CCDC178: variants seen among roughly 807,000 people sequenced by gnomAD.
CCDC178 encodes the protein coiled-coil domain-containing protein 178.
Under a neutral mutation model 117.4 loss-of-function variants are expected in CCDC178, and 126 were observed. The observed-to-expected ratio is 1.07, with a 90% confidence interval of 0.93 to 1.24. CCDC178 has a LOEUF of 1.24. Ranked by LOEUF, CCDC178 falls within the 50% of genes most tolerant of loss-of-function variation. The pLI is 0.00. For missense variants in CCDC178, 1,030 were observed against 986.9 expected, an observed-to-expected ratio of 1.04 and a Z score of -0.59; for synonymous variants, 283 against 313.4, an observed-to-expected ratio of 0.90 and a Z score of 1.02.
At chr18:33,338,118 A>G (rs2062766321) in intron 9 of CCDC178, among the ~76,000 whole-genome samples, 1 of 152,220 alleles carries the variant, frequency 6.6e-6, no homozygotes, top group Non-Finnish European at 1.5e-5. Flanking sequence ...TCTCAAAAGA[A>G]GATATGCAAA....
intron 11 of CCDC178, among the ~76,000 whole-genome samples, chr18:33,317,039 G>C: frequency 6.6e-6 from 1 of 152,236 alleles, no homozygotes; most frequent in Admixed American, 6.5e-5. Context: ...CTAATCAGCA[G>C]GATGTGGATG....
intron 4 of CCDC178, among the ~76,000 whole-genome samples, chr18:33,392,402 G>A (rs2063575814): frequency 6.6e-6 from 1 of 152,110 alleles, no homozygotes; most frequent in Admixed American, 6.6e-5. Context: ...TTGAACTTTA[G>A]TTTTACTCTA....
intron 20 of CCDC178, among the ~76,000 whole-genome samples, chr18:33,129,479 G>A (rs892078851): frequency 2.6e-5 from 4 of 151,952 alleles, no homozygotes; most frequent in African/African-American, 9.7e-5. Flanking sequence ...TTGAAAAAAA[G>A]TGGAACCCTG....
At chr18:32,969,103 C>G (rs1322652503) in intron 22 of CCDC178, among the ~76,000 whole-genome samples, 2 of 151,978 alleles carry the variant, frequency 1.3e-5, no homozygotes, top group Non-Finnish European at 2.9e-5. Context: ...CTTACTAAAC[C>G]AGTTCACTAA....
In CCDC178 at chr18:33,258,003, T is replaced by C. The variant is rs150421912; in HGVS notation, c.1409+8913A>G. ...GTCTTATATCCCACCTACCAAAAGG[T>C]CCAGTTAGCATCCCTTCCAAAACAT... On this transcript the variant is annotated intron_variant, in intron 14 of 22. Transcript: ENST00000383096. 4.5e-4 allele frequency among the ~76,000 whole-genome samples: 68 copies of C among 152,082 alleles called. 1 individual carries two copies. In the East Asian group the frequency reaches 0.01, roughly 23 times the overall value.
chr18:32,943,077 T>C lies in CCDC178; in HGVS notation c.2524-4986A>G, dbSNP rs138170675. Among the ~76,000 whole-genome samples, 40 of 152,258 alleles carry C rather than the reference T, an allele frequency of 2.6e-4. No homozygotes were observed. The East Asian group carries it at 4.0e-3, about 15-fold the overall frequency. On this transcript the variant is annotated intron_variant, in intron 22 of 22. Coordinates refer to ENST00000383096, the MANE Select transcript of CCDC178 (RefSeq NM_001105528.4). The stretch of plus-strand genomic sequence containing the variant: ...GCCTTTGTGCTGAAGTTAGGGGATA[T>C]TGGAAGGAGAATCATGAAGCTGAAT...
At chr18:33,130,613 G>T (rs986196312) in intron 20 of CCDC178, among the ~76,000 whole-genome samples, 3 of 151,906 alleles carry the variant, frequency 2.0e-5, no homozygotes, top group African/African-American at 7.2e-5. Flanking sequence ...GCTGCCCCAG[G>T]GGGCATTCTC....
At chr18:32,963,162 A>T (rs939621417) in intron 22 of CCDC178, among the ~76,000 whole-genome samples, 1 of 152,102 alleles carries the variant, frequency 6.6e-6, no homozygotes, top group East Asian at 1.9e-4. Context: ...TGGAGGACGA[A>T]GTTTGACACA....
chr18:33,054,062 C>CT (rs1438501147), intron 21 of CCDC178, among the ~76,000 whole-genome samples: 1 of 152,016 alleles, frequency 6.6e-6, no homozygotes, highest in African/African-American at 2.4e-5. Context: ...TTTCTTTGCC[C>CT]TTTTTGTGTA....
chr18:33,142,722 T>A (rs1256936776), intron 20 of CCDC178, among the ~76,000 whole-genome samples: 1 of 152,152 alleles, frequency 6.6e-6, no homozygotes, highest in East Asian at 1.9e-4. Context: ...AACATTTTTA[T>A]GAAAAAAGCA....
intron 21 of CCDC178, among the ~76,000 whole-genome samples, chr18:33,023,596 C>T (rs937672681): frequency 2.6e-5 from 4 of 152,066 alleles, no homozygotes; most frequent in African/African-American, 9.7e-5. Flanking sequence ...AAATTAATAG[C>T]ACTAGGTGCA....
At chr18:33,416,019 A>C (rs774159469) in intron 2 of CCDC178, among the ~76,000 whole-genome samples, 62 of 152,334 alleles carry the variant, frequency 4.1e-4, no homozygotes, top group Non-Finnish European at 4.9e-4. Flanking sequence ...TATAGACAAA[A>C]TAAAGCTCCA....
In CCDC178 at chr18:33,416,562, G is replaced by T. The variant is rs551011709; in HGVS notation, c.-22-4452C>A. 3.9e-5 allele frequency among the ~76,000 whole-genome samples: 6 copies of T among 152,198 alleles called. No homozygotes were observed. The East Asian group carries it at 1.2e-3, about 29-fold the overall frequency. ...GGTATCAGAGTAAATAAACTGTAGG[G>T]ATTCAAGACTTTCATCTTTACTGAT... On this transcript the variant is annotated intron_variant, in intron 2 of 22. Coordinates refer to ENST00000383096, the MANE Select transcript of CCDC178 (RefSeq NM_001105528.4).
chr18:33,420,598 A>G (rs1330747553), intron 2 of CCDC178, among the ~76,000 whole-genome samples: 1 of 152,138 alleles, frequency 6.6e-6, no homozygotes, highest in Non-Finnish European at 1.5e-5. Flanking sequence ...CAGGTGATCC[A>G]TCTGCCTTGG....
chr18:33,215,763 C>A, intron 18 of CCDC178, 68 bp from the exon 19 acceptor site: 1 of 1,199,752 alleles, frequency 8.3e-7, no homozygotes, highest in Non-Finnish European at 1.2e-6. Context: ...TATTTAGGAA[C>A]ACAATTACAT....
intron 11 of CCDC178, among the ~76,000 whole-genome samples, chr18:33,313,141 A>G (rs2144960688): frequency 6.6e-6 from 1 of 152,334 alleles, no homozygotes; most frequent in East Asian, 1.9e-4. Context: ...GTCCTCAATG[A>G]ATACAATAGT....
intron 15 of CCDC178, among the ~76,000 whole-genome samples, chr18:33,235,951 G>A (rs575330179): frequency 6.6e-6 from 1 of 152,202 alleles, no homozygotes; most frequent in South Asian, 2.1e-4. Context: ...TTGAAAATAT[G>A]GAAAAACTGG....
chr18:33,118,247 G>T (rs182788421), intron 20 of CCDC178, among the ~76,000 whole-genome samples: 44 of 152,032 alleles, frequency 2.9e-4, no homozygotes, highest in Admixed American at 2.3e-3. Flanking sequence ...CCTCCTAGTT[G>T]GGGCATTGTC....
chr18:33,257,648 T>C (rs1267167901), intron 14 of CCDC178, among the ~76,000 whole-genome samples: 1 of 152,098 alleles, frequency 6.6e-6, no homozygotes, highest in Non-Finnish European at 1.5e-5. Context: ...TTTATAAGTG[T>C]TCTGTAGCAA....
Sources: allele counts gnomAD v4.1 joint callset (sites outside exome capture counted in the v4.1 genomes callset), GRCh38; gene constraint gnomAD v4.1.1; transcripts MANE v1.5; gene names NCBI Gene and HGNC (gene_info 2026-07-23, HGNC 2026-07-21).